VWC2L: variants seen among roughly 807,000 people sequenced by gnomAD.
VWC2L encodes the protein von Willebrand factor C domain containing 2 like.
VWC2L carries 10 observed loss-of-function variants against 21.6 expected under a neutral mutation model. The observed-to-expected ratio is 0.46, with a 90% confidence interval of 0.29 to 0.78. The LOEUF is 0.78. VWC2L is among the 30% of genes least tolerant of loss of function. The probability of loss-of-function intolerance (pLI) is 0.10; values close to 1 mark genes in which losing one functional copy is unlikely to be tolerated. For missense variants in VWC2L, 209 were observed against 277.1 expected (o/e 0.75, Z 1.74); for synonymous variants, 96 against 94.3 (o/e 1.02, Z -0.10).
At chr2:214,496,664 C>T (rs989481388) in intron 3 of VWC2L, among the ~76,000 whole-genome samples, 3 of 152,292 alleles carry the variant, frequency 2.0e-5, no homozygotes, top group East Asian at 1.9e-4. Context: ...GGAAATCTTA[C>T]GTGATTGTAC....
At chr2:214,513,199 G>T (rs1486200061) in intron 3 of VWC2L, among the ~76,000 whole-genome samples, 1 of 152,086 alleles carries the variant, frequency 6.6e-6, no homozygotes, top group East Asian at 1.9e-4. Context: ...TTACTGTCGG[G>T]TCAAAGAGAC....
chr2:214,461,285 C>G (rs1449983720), intron 3 of VWC2L, among the ~76,000 whole-genome samples: 4 of 152,190 alleles, frequency 2.6e-5, no homozygotes, highest in Non-Finnish European at 5.9e-5. Context: ...ATGGCCTGGA[C>G]AGTTGAGTAG....
At chr2:214,554,112 G>C (rs1041053387) in intron 3 of VWC2L, among the ~76,000 whole-genome samples, 3 of 150,900 alleles carry the variant, frequency 2.0e-5, no homozygotes, top group Non-Finnish European at 2.9e-5. Context: ...TACCAAAATA[G>C]TTCCTTTTCA....
intron 3 of VWC2L, among the ~76,000 whole-genome samples, chr2:214,458,661 C>G: frequency 6.6e-6 from 1 of 151,972 alleles, no homozygotes; most frequent in East Asian, 1.9e-4. Flanking sequence ...TTTTCAGTAT[C>G]TTAATTTCTT....
chr2:214,473,354 A>T (rs1256068338), intron 3 of VWC2L, among the ~76,000 whole-genome samples: 1 of 152,200 alleles, frequency 6.6e-6, no homozygotes, highest in Non-Finnish European at 1.5e-5. Context: ...AGGCAATAGT[A>T]GTTTATTATT....
intron 3 of VWC2L, among the ~76,000 whole-genome samples, chr2:214,463,077 G>T (rs1278305571): frequency 6.6e-6 from 1 of 152,010 alleles, no homozygotes; most frequent in African/African-American, 2.4e-5. Context: ...ATCCTGAAAA[G>T]AACATGTATT....
intron 3 of VWC2L, among the ~76,000 whole-genome samples, chr2:214,519,308 T>C (rs1181262659): frequency 1.3e-5 from 2 of 152,104 alleles, no homozygotes; most frequent in East Asian, 3.8e-4. Context: ...CAAGCACCTT[T>C]CATGGTCCTA....
chr2:214,464,054 T>C (rs7575315), intron 3 of VWC2L, among the ~76,000 whole-genome samples: 61,301 of 151,926 alleles, frequency 0.4, 15,264 homozygotes, highest in African/African-American at 0.72. Flanking sequence ...ATTCCTTCTC[T>C]GTATTATCTT....
At chr2:214,461,603 G>A (rs1374969014) in intron 3 of VWC2L, among the ~76,000 whole-genome samples, 1 of 152,112 alleles carries the variant, frequency 6.6e-6, no homozygotes, top group East Asian at 1.9e-4. Context: ...GCACACCTGG[G>A]GAAACTAATA....
chr2:214,541,496 G>C (rs2105921045), intron 3 of VWC2L, among the ~76,000 whole-genome samples: 1 of 152,308 alleles, frequency 6.6e-6, no homozygotes, highest in Non-Finnish European at 1.5e-5. Flanking sequence ...TCAAAGAAAT[G>C]ATTGAATGAA....
At chr2:214,515,397 G>A (rs1033024130) in intron 3 of VWC2L, among the ~76,000 whole-genome samples, 4 of 152,146 alleles carry the variant, frequency 2.6e-5, no homozygotes, top group Admixed American at 6.5e-5. Context: ...CTGTGGAGGA[G>A]AGGGCTGACT....
chr2:214,558,570 T>C (rs1293170972), intron 3 of VWC2L, among the ~76,000 whole-genome samples: 2 of 152,300 alleles, frequency 1.3e-5, no homozygotes, highest in Non-Finnish European at 2.9e-5. Flanking sequence ...GCTGACTCTA[T>C]TGCCTAAATA....
intron 3 of VWC2L, among the ~76,000 whole-genome samples, chr2:214,564,017 A>G (rs530605672): frequency 1.4e-4 from 22 of 152,318 alleles, no homozygotes; most frequent in African/African-American, 5.1e-4. Flanking sequence ...ATTCCTATAC[A>G]CCAACAACAG....
intron 2 of VWC2L, among the ~76,000 whole-genome samples, chr2:214,433,494 A>G (rs953915653): frequency 6.6e-6 from 1 of 152,138 alleles, no homozygotes; most frequent in Admixed American, 6.6e-5. Flanking sequence ...TTCTCTAAGG[A>G]TAGCTTTATT....
chr2:214,415,803 C>T (rs1453327526), intron 2 of VWC2L, among the ~76,000 whole-genome samples: 1 of 152,120 alleles, frequency 6.6e-6, no homozygotes, highest in African/African-American at 2.4e-5. Flanking sequence ...TTAATTGTGA[C>T]ATTCAACTTC....
At chr2:214,529,633 G>T (rs1689400950) in intron 3 of VWC2L, among the ~76,000 whole-genome samples, 1 of 152,064 alleles carries the variant, frequency 6.6e-6, no homozygotes, top group African/African-American at 2.4e-5. Flanking sequence ...CCATTCCCAG[G>T]TCCAGGTTTT....
chr2:214,468,236 C>T (rs566542551), intron 3 of VWC2L, among the ~76,000 whole-genome samples: 2 of 152,246 alleles, frequency 1.3e-5, no homozygotes, highest in African/African-American at 4.8e-5. Context: ...AAGCTGGTCT[C>T]GAACTCCTGG....
At chr2:214,562,826 G>A (rs1017562401) in intron 3 of VWC2L, among the ~76,000 whole-genome samples, 1 of 151,992 alleles carries the variant, frequency 6.6e-6, no homozygotes, top group African/African-American at 2.4e-5. Flanking sequence ...GTTTTTTCTG[G>A]TGAATTTAAG....
intron 3 of VWC2L, among the ~76,000 whole-genome samples, chr2:214,499,954 C>T (rs535348697): frequency 2.0e-5 from 3 of 152,110 alleles, no homozygotes; most frequent in East Asian, 1.9e-4. Context: ...GGGGCTATTA[C>T]GGTAGATAGG....
Sources: allele counts gnomAD v4.1 joint callset (sites outside exome capture counted in the v4.1 genomes callset), GRCh38; gene constraint gnomAD v4.1.1; transcripts MANE v1.5; gene names NCBI Gene and HGNC (gene_info 2026-07-23, HGNC 2026-07-21).